Variants in LRRC37A2 observed in about 807,000 individuals in gnomAD.
The protein encoded by LRRC37A2 is leucine rich repeat containing 37 member A2, also known as leucine-rich repeat-containing protein 37A2.
A neutral mutation model predicts 68.8 loss-of-function variants in LRRC37A2; 9 were observed. The ratio of observed to expected loss-of-function variants is 0.13; its 90% CI spans 0.08 to 0.23. The LOEUF is 0.23. LRRC37A2 is among the 10% of genes least tolerant of loss of function. LRRC37A2 has a pLI of 1.00. For synonymous variants in LRRC37A2, 63 were observed against 367.6 expected (o/e 0.17, Z 9.48); for missense variants, 168 against 950.4 (o/e 0.18, Z 10.82).
the LRRC37A2 span, among the ~76,000 whole-genome samples, chr17:46,988,350 C>T: frequency 6.6e-6 from 1 of 152,114 alleles, no homozygotes; most frequent in African/African-American, 2.4e-5. Flanking sequence ...GGAGCAACTG[C>T]TTGATGGGTA....
chr17:46,748,749 A>G, the LRRC37A2 span, among the ~76,000 whole-genome samples: 1 of 152,346 alleles, frequency 6.6e-6, no homozygotes, highest in African/African-American at 2.4e-5. Context: ...AATGTGTTTG[A>G]ACATACTGAA....
At chr17:46,723,697 C>T in the LRRC37A2 span, among the ~76,000 whole-genome samples, 1 of 152,180 alleles carries the variant, frequency 6.6e-6, no homozygotes, top group Non-Finnish European at 1.5e-5. Context: ...TTCATCACCA[C>T]ACCCATTCAT....
chr17:46,796,314 T>G, the LRRC37A2 span, among the ~76,000 whole-genome samples: 1 of 152,232 alleles, frequency 6.6e-6, no homozygotes, highest in Non-Finnish European at 1.5e-5. Context: ...ATAGTGCTAA[T>G]AAAGACCAGT....
At chr17:46,648,702 T>TA in the LRRC37A2 span, among the ~76,000 whole-genome samples, 3 of 42,620 alleles carry the variant, frequency 7.0e-5, no homozygotes, top group Non-Finnish European at 3.5e-5. Context: ...TTTGTGTTAA[T>TA]AAAAAATATA....
chr17:46,940,274 G>C, the LRRC37A2 span: 1 of 1,433,226 alleles, frequency 7.0e-7, no homozygotes. Flanking sequence ...GATCTCCATT[G>C]TTCCTACCCC....
chr17:46,505,168 G>A, the LRRC37A2 span, among the ~76,000 whole-genome samples: 5 of 89,806 alleles, frequency 5.6e-5, no homozygotes, highest in Admixed American at 3.3e-4. Context: ...TCCTGACCTC[G>A]TGATCTGCCT....
chr17:46,913,893 G>A, the LRRC37A2 span, among the ~76,000 whole-genome samples: 5 of 152,060 alleles, frequency 3.3e-5, no homozygotes, highest in African/African-American at 9.7e-5. Context: ...CCGAGTAGTT[G>A]GGACTACAGA....
At chr17:46,929,958 AT>A in the LRRC37A2 span, 1 of 186,972 alleles carries the variant, frequency 5.3e-6, no homozygotes, top group African/African-American at 2.4e-5. Flanking sequence ...TTTTAGGAGG[AT>A]TATTCAGAAA....
the LRRC37A2 span, among the ~76,000 whole-genome samples, chr17:46,879,346 G>A: frequency 1.3e-5 from 2 of 151,840 alleles, no homozygotes; most frequent in East Asian, 1.9e-4. Context: ...GCACATGTCC[G>A]CTCTGTGATG....
At chr17:46,550,152 C>T (rs549980674) in intron 10 of LRRC37A2, among the ~76,000 whole-genome samples, 4 of 24,894 alleles carry the variant, frequency 1.6e-4, no homozygotes, top group Admixed American at 1.1e-3. Flanking sequence ...CCTGTCTCCA[C>T]AAAAAATAAG....
chr17:46,931,963 G>C, the LRRC37A2 span: 1 of 957,290 alleles, frequency 1.0e-6, no homozygotes, highest in Non-Finnish European at 1.7e-6. Flanking sequence ...GGTGGTGTAG[G>C]GAGAAGTAAG....
chr17:46,992,539 C>T, the LRRC37A2 span, among the ~76,000 whole-genome samples: 1 of 152,086 alleles, frequency 6.6e-6, no homozygotes, highest in Non-Finnish European at 1.5e-5. Context: ...GGTTCTAATG[C>T]AGTGCCACTG....
chr17:46,722,044 C>T, the LRRC37A2 span: 2 of 1,604,666 alleles, frequency 1.2e-6, no homozygotes, highest in East Asian at 4.5e-5. Context: ...TATTCAGCTC[C>T]CTGAGCTGAG....
At chr17:46,803,523 T>C in the LRRC37A2 span, among the ~76,000 whole-genome samples, 1 of 152,128 alleles carries the variant, frequency 6.6e-6, no homozygotes, top group African/African-American at 2.4e-5. Context: ...TGCAAGACTA[T>C]GTCTCAAGAA....
the LRRC37A2 span, among the ~76,000 whole-genome samples, chr17:46,767,849 T>C: frequency 1.3e-5 from 2 of 152,002 alleles, no homozygotes; most frequent in Admixed American, 1.3e-4. Flanking sequence ...AGTCCAGTGG[T>C]GCAATCTCAG....
the LRRC37A2 span, among the ~76,000 whole-genome samples, chr17:46,982,840 A>G: frequency 1.3e-5 from 2 of 152,214 alleles, no homozygotes. Context: ...GGAGGCAGCC[A>G]CTGTCACTTG....
the LRRC37A2 span, chr17:46,774,056 G>GCCCCTCAAAGCGCCCCTCAAA: frequency 8.3e-7 from 1 of 1,204,076 alleles, no homozygotes; most frequent in Non-Finnish European, 1.2e-6. Context: ...TTTGACCTCG[G>GCCCCTCAAAGCGCCCCTCAAA]GAGCATGCCG....
intron 8 of LRRC37A2, among the ~76,000 whole-genome samples, chr17:46,543,155 T>C (rs1359579709): frequency 6.6e-6 from 1 of 150,396 alleles, no homozygotes; most frequent in Non-Finnish European, 1.5e-5. Flanking sequence ...TAATGATTTG[T>C]CACCAAGGCC....
chr17:46,493,240 C>A, the LRRC37A2 span, among the ~76,000 whole-genome samples: 1 of 136,400 alleles, frequency 7.3e-6, no homozygotes, highest in African/African-American at 3.0e-5. Flanking sequence ...TCACTGCAGC[C>A]GCCACCTTCT....
Sources: allele counts gnomAD v4.1 joint callset (sites outside exome capture counted in the v4.1 genomes callset), GRCh38; gene constraint gnomAD v4.1.1; transcripts MANE v1.5; gene names NCBI Gene and HGNC (gene_info 2026-07-23, HGNC 2026-07-21).